The following EIF3A variants were observed in gnomAD, a reference collection of about 807,000 sequenced individuals.
EIF3A encodes eukaryotic translation initiation factor 3 subunit A.
Under a neutral mutation model 186.6 loss-of-function variants are expected in EIF3A, and 21 were observed. That is an observed-to-expected ratio of 0.11 (90% CI 0.08 to 0.16). EIF3A has a LOEUF of 0.16. EIF3A is among the 10% of genes least tolerant of loss of function. The probability of loss-of-function intolerance (pLI) is 1.00; values close to 1 mark genes in which losing one functional copy is unlikely to be tolerated. For missense variants in EIF3A, 1,306 were observed against 1,796.3 expected (o/e 0.73, Z 4.93); for synonymous variants, 563 against 584.3 (o/e 0.96, Z 0.52).
At chr10:119,079,267 C>T (rs1844224542) in intron 1 of EIF3A, among the ~76,000 whole-genome samples, 1 of 152,110 alleles carries the variant, frequency 6.6e-6, no homozygotes, top group Non-Finnish European at 1.5e-5. Context: ...TACTCCATTC[C>T]ACACAATGTG....
rs776919253 is a variant in EIF3A, at chr10:119,044,136, G to T, written c.2665C>A (p.Arg889Ser). Residue 889 changes from arginine to serine, a missense_variant, in exon 18 of 22, where the codon CGT becomes AGT. Coordinates refer to ENST00000369144, the MANE Select transcript of EIF3A (RefSeq NM_003750.4). ...GDSSLSRKDS[R>S]WGDRDSEGTW... Reference sequence around the variant, plus strand: ...CCTTCTGAATCTCTATCTCCCCAACGAGAGTCCTCCATTGACAAAGTGAAA... The same window carrying T: ...CCTTCTGAATCTCTATCTCCCCAACTAGAGTCCTCCATTGACAAAGTGAAA... 9 of 1,611,018 alleles carry T rather than the reference G, an allele frequency of 5.6e-6. No individual in the cohort carries two copies. The Admixed American group carries it at 1.3e-4, about 24-fold the overall frequency.
At chr10:119,062,594 T>C (rs1843907121) in intron 7 of EIF3A, among the ~76,000 whole-genome samples, 1 of 152,322 alleles carries the variant, frequency 6.6e-6, no homozygotes, top group South Asian at 2.1e-4. Flanking sequence ...GATGCCCTAG[T>C]TGTTGGTCCA....
intron 18 of EIF3A, among the ~76,000 whole-genome samples, chr10:119,043,604 AAACAAC>A (rs948834627): frequency 3.3e-5 from 5 of 151,814 alleles, no homozygotes; most frequent in South Asian, 4.2e-4. Context: ...CGCCATCTCA[AAACAAC>A]AACAACAACA....
At chr10:119,080,497 C>A (rs1844247425) in intron 1 of EIF3A, 131 bp downstream of exon 1, 1 of 1,398,610 alleles carries the variant, frequency 7.1e-7, no homozygotes, top group South Asian at 1.6e-5. Flanking sequence ...GCTGGGACAG[C>A]GGCGGGCAGG....
At chr10:119,076,322 CAAAAAAAAA>C (rs10712381) in intron 1 of EIF3A, among the ~76,000 whole-genome samples, 1 of 114,416 alleles carries the variant, frequency 8.7e-6, no homozygotes, top group Admixed American at 8.9e-5. Flanking sequence ...AACAAGTCTC[CAAAAAAAAA>C]AAAAAAAAGT....
At chr10:119,074,858 C>T (rs369214788) in intron 1 of EIF3A, among the ~76,000 whole-genome samples, 2 of 113,178 alleles carry the variant, frequency 1.8e-5, no homozygotes, top group African/African-American at 6.8e-5. Context: ...GCAGAGGTTG[C>T]GGTCAGCTGA....
At chr10:119,061,176 G>A in intron 8 of EIF3A, 48 bp downstream of exon 8, 2 of 1,096,342 alleles carry the variant, frequency 1.8e-6, no homozygotes, top group South Asian at 1.4e-5. Context: ...AAAACTGCAA[G>A]AAGGCCAACT....
rs137859166 is a variant in EIF3A at position 119,060,702 on chromosome 10, G to A, written c.1326+44C>T. On this transcript the variant is annotated intron_variant, in intron 9 of 21. Coordinates refer to ENST00000369144, the MANE Select transcript of EIF3A (RefSeq NM_003750.4). ...TTTTTCCAGTTTTTAGTTTCATGAT[G>A]AGCACATAACATCACAAAACTTTTT... The A allele has an allele frequency of 1.3e-3, 1,902 of 1,448,906 alleles. 7 individuals carry two copies. The highest frequency in any genetic ancestry group is 1.3e-3 in the Non-Finnish European group (1,393 of 1,056,014). 89.8% of individuals were successfully genotyped at this position (1,448,906 alleles called of 1,614,324 possible). A position where few individuals can be genotyped will look rare whatever the true frequency, so the allele number is the denominator to read the frequency against.
chr10:119,049,676 CG>C, intron 17 of EIF3A, 124 bp downstream of exon 17: 2 of 763,310 alleles, frequency 2.6e-6, no homozygotes, highest in Non-Finnish European at 4.3e-6. Context: ...CACTTGAACC[CG>C]GGGGCTGAGA....
chr10:119,051,051 A>G, intron 15 of EIF3A, 148 bp downstream of exon 15: 1 of 668,694 alleles, frequency 1.5e-6, no homozygotes, highest in Non-Finnish European at 2.4e-6. Context: ...TGTTTTGCTT[A>G]TGAAATATCA....
Position 119,042,639 on chromosome 10 carries a change from C to T in EIF3A, c.2881G>A (p.Gly961Ser). Residue 961 changes from glycine (G) to serine (S), a missense_variant, in exon 19 of 22, where the codon GGC (glycine) becomes AGC (serine). Physicochemically the swap from Gly to Ser is moderately conservative, Grantham distance 56. This residue lies in a region of EIF3A where 410 missense variants were observed against 473.5 expected (regional missense o/e 0.87). Coordinates refer to ENST00000369144, the MANE Select transcript of EIF3A (RefSeq NM_003750.4). The surrounding 1 kb of genome is among the most constrained non-coding windows in gnomAD (Gnocchi z 7.8). ...CTAGGGCCTCTGTCATCATCCATGC[C>T]ACGCCGGGGAACCCGATCATCGTCT... is the stretch of plus-strand genomic sequence containing the variant. Reference protein sequence around the residue: ...RPDDDRVPRRGMDDDRGPRRG... With the variant: ...RPDDDRVPRRSMDDDRGPRRG... The T allele has an allele frequency of 1.9e-6, 3 of 1,614,200 alleles. No homozygotes were observed. The highest frequency in any genetic ancestry group is 2.2e-5 in the South Asian group (2 of 91,082).
In EIF3A at chr10:119,034,420, C is replaced by T. The variant is rs1188989311; in HGVS notation, c.*1619G>A. On this transcript the variant is annotated 3_prime_UTR_variant, in exon 22 of 22. Coordinates refer to ENST00000369144, the MANE Select transcript of EIF3A (RefSeq NM_003750.4). ...GATGTCACACATACAGATCTACTCT[C>T]CAGGAAGCAAACTCTTAGCAAGTTA... 2 of 152,944 alleles carry T rather than the reference C, an allele frequency of 1.3e-5. No individual in the cohort carries two copies. The highest frequency in any genetic ancestry group is 2.4e-5 in the African/African-American group (1 of 41,428). 9.5% of individuals were successfully genotyped at this position (152,944 alleles called of 1,614,324 possible). A position where few individuals can be genotyped will look rare whatever the true frequency, so the allele number is the denominator to read the frequency against.
In EIF3A at chr10:119,069,691, T is replaced by C. The variant is rs145252166; in HGVS notation, c.742-37A>G. 6 of 1,018,074 alleles carry C rather than the reference T, an allele frequency of 5.9e-6. No homozygotes were observed. The African/African-American group carries it at 9.6e-5, about 16-fold the overall frequency. The allele number at this position is 1,018,074 out of a possible 1,614,324, so 63.1% of individuals were successfully genotyped here. On this transcript the variant is annotated intron_variant, in intron 5 of 21. Transcript: ENST00000369144. ...AGTATAAATTAAAGTCATTGCATTC[T>C]ATAACACGAAAAAAATCTAATTCAA...
At chr10:119,061,070 C>A (rs769457080) in intron 8 of EIF3A, 154 bp downstream of exon 8, 5 of 569,772 alleles carry the variant, frequency 8.8e-6, no homozygotes, top group Non-Finnish European at 1.2e-5. Context: ...TCAGATATAT[C>A]TTTTCTCTTG....
chr10:119,060,725 T>C (rs1462596131), intron 9 of EIF3A, 21 bp downstream of exon 9: 2 of 1,572,836 alleles, frequency 1.3e-6, no homozygotes, highest in South Asian at 2.4e-5. Context: ...CACAAAACTT[T>C]TTTTATTTTT....
intron 7 of EIF3A, among the ~76,000 whole-genome samples, chr10:119,063,972 G>A (rs945764368): frequency 6.6e-6 from 1 of 152,100 alleles, no homozygotes; most frequent in Non-Finnish European, 1.5e-5. Context: ...CCAGCTACTT[G>A]GGAGGCTGAG....
chr10:119,074,522 A>G (rs185073786), intron 1 of EIF3A, among the ~76,000 whole-genome samples: 279 of 152,220 alleles, frequency 1.8e-3, no homozygotes, highest in African/African-American at 6.3e-3. Flanking sequence ...AGTTGTTACC[A>G]ATAAAAATCA....
At chr10:119,072,860 C>CTTCA in intron 4 of EIF3A, 30 bp downstream of exon 4, 1 of 1,584,028 alleles carries the variant, frequency 6.3e-7, no homozygotes, top group Non-Finnish European at 8.6e-7. Context: ...TTTCAAAGCA[C>CTTCA]TTCACTCAGA....
rs1843957368 is a variant in EIF3A, at chr10:119,065,464, G to A, written c.1057C>T (p.Arg353Cys). The change falls in exon 7 of 22, where the codon CGT (arginine) becomes TGT (cysteine). Residue 353 changes from arginine (R) to cysteine (C), a missense_variant. Physicochemically the swap from Arg to Cys is radical, Grantham distance 180 (BLOSUM62 -3). Around this residue, in one of 8 missense-constraint regions of EIF3A, gnomAD observed 267 missense variants for 367.8 expected, o/e 0.73. Transcript: ENST00000369144. Reference protein sequence around the residue: ...DMDGIIVEKQRRLATLLGLQA... With the variant: ...DMDGIIVEKQCRLATLLGLQA... ...AGACCTAGTAGTGTTGCAAGGCGAC[G>A]CTGTTTTTCAACTATAATGCCATCC... 1 of 1,613,382 alleles carries A rather than the reference G, an allele frequency of 6.2e-7. No individual in the cohort carries two copies. The highest frequency in any genetic ancestry group is 8.5e-7 in the Non-Finnish European group (1 of 1,179,344).
Sources: allele counts gnomAD v4.1 joint callset (sites outside exome capture counted in the v4.1 genomes callset), GRCh38; gene constraint gnomAD v4.1.1; regional missense constraint gnomAD v4.1.1; non-coding constraint Gnocchi (gnomAD v3.1); transcripts MANE v1.5; gene names NCBI Gene and HGNC (gene_info 2026-07-23, HGNC 2026-07-21).